Variants in ASRGL1 observed in about 807,000 individuals in gnomAD.
ASRGL1 encodes asparaginase and isoaspartyl peptidase 1.
In ASRGL1, 16 loss-of-function variants were observed where a neutral mutation model predicts 22.4. The observed-to-expected ratio is 0.71, with a 90% CI of 0.48 to 1.08. The LOEUF is 1.08. Ranked by LOEUF, ASRGL1 falls within the 50% of genes least tolerant of loss-of-function variation. The pLI is 0.00. For missense variants in ASRGL1, 412 were observed against 410.1 expected, an observed-to-expected ratio of 1.00 and a Z score of -0.04; for synonymous variants, 165 against 159.3, an observed-to-expected ratio of 1.04 and a Z score of -0.27.
At chr11:62,338,433 G>C (rs1235390624) in intron 2 of ASRGL1, 3 of 401,182 alleles carry the variant, frequency 7.5e-6, no homozygotes, top group Non-Finnish European at 1.3e-5. Flanking sequence ...TGCTTCTGGA[G>C]AGACATAAGA....
chr11:62,344,379 AT>A (rs1945957085), intron 2 of ASRGL1, among the ~76,000 whole-genome samples: 1 of 152,080 alleles, frequency 6.6e-6, no homozygotes, highest in Admixed American at 6.6e-5. Context: ...CTTTCTCAAT[AT>A]TTTATTGCAA....
At chr11:62,362,328 C>A (rs1189947889) in intron 4 of ASRGL1, among the ~76,000 whole-genome samples, 1 of 149,704 alleles carries the variant, frequency 6.7e-6, no homozygotes, top group Non-Finnish European at 1.5e-5. Context: ...AAGAAGAATT[C>A]AGCAAAACCA....
At chr11:62,386,300 T>C (rs1947198664) in intron 4 of ASRGL1, among the ~76,000 whole-genome samples, 2 of 152,216 alleles carry the variant, frequency 1.3e-5, no homozygotes, top group South Asian at 2.1e-4. Flanking sequence ...TTCTGTGCTT[T>C]CAGTTACCCA....
chr11:62,400,922 A>G, the ASRGL1 span, among the ~76,000 whole-genome samples: 1 of 152,160 alleles, frequency 6.6e-6, no homozygotes, highest in African/African-American at 2.4e-5. Flanking sequence ...TCGTCTCTGG[A>G]CCAGCTCCCA....
rs1336905670 is a variant in ASRGL1 at position 62,389,155 on chromosome 11, G to A, written c.514G>A (p.Val172Ile). Residue 172 changes from valine (V) to isoleucine (I), a missense_variant, in exon 5 of 7, where the codon GTT becomes ATT. Transcript: ENST00000415229. ...CQKNLGTVGA[V>I]ALDCKGNVAY... Reference sequence around the variant, plus strand: ...CAGAAACTTGGGAACCGTGGGTGCTGTTGCCTTGGACTGCAAAGGGAATGT... The same window carrying A: ...CAGAAACTTGGGAACCGTGGGTGCTATTGCCTTGGACTGCAAAGGGAATGT... 1 of 1,613,132 alleles carries A rather than the reference G, an allele frequency of 6.2e-7. No homozygotes were observed. The highest frequency in any genetic ancestry group is 1.1e-5 in the South Asian group (1 of 91,050).
At position 62,383,361 on chromosome 11, in the gene ASRGL1, T is replaced by C. The variant is rs896866742; in HGVS notation, c.492-5772T>C. On this transcript the variant is annotated intron_variant, in intron 4 of 6. Transcript: ENST00000415229. ...GCTCACGCATGTAATCCCAGCACTTTGGGAGGCCGAGGCGGGCGGATCACG... is the reference window on the plus strand; with the variant it reads ...GCTCACGCATGTAATCCCAGCACTTCGGGAGGCCGAGGCGGGCGGATCACG... The C allele has an allele frequency of 3.3e-5, 5 of 151,980 alleles. No homozygotes were observed. In the East Asian group the frequency reaches 9.7e-4, roughly 29 times the overall value. 9.4% of individuals were successfully genotyped at this position (151,980 alleles called of 1,614,324 possible).
At chr11:62,352,225 T>C (rs563430965) in intron 2 of ASRGL1, among the ~76,000 whole-genome samples, 3 of 152,278 alleles carry the variant, frequency 2.0e-5, no homozygotes, top group Non-Finnish European at 2.9e-5. Flanking sequence ...CCCACTCTCA[T>C]GGGCACAAGA....
intron 4 of ASRGL1, chr11:62,372,175 G>C (rs1452715385): frequency 1.3e-4 from 127 of 965,346 alleles, no homozygotes; most frequent in Admixed American, 6.8e-5. Flanking sequence ...GTGACACCAA[G>C]AGAGTAGAAG....
intron 4 of ASRGL1, chr11:62,371,474 A>G (rs930013539): frequency 1.7e-5 from 11 of 628,618 alleles, no homozygotes; most frequent in Non-Finnish European, 3.1e-5. Flanking sequence ...AGGGCTGTGC[A>G]GGCTGTGCTT....
intron 4 of ASRGL1, among the ~76,000 whole-genome samples, chr11:62,378,535 A>T (rs1946983972): frequency 6.6e-6 from 1 of 152,074 alleles, no homozygotes; most frequent in Non-Finnish European, 1.5e-5. Flanking sequence ...CGCCAGAGGG[A>T]TGGTAAAAAA....
At chr11:62,368,881 G>A (rs944498727) in intron 4 of ASRGL1, among the ~76,000 whole-genome samples, 2 of 152,188 alleles carry the variant, frequency 1.3e-5, no homozygotes, top group African/African-American at 4.8e-5. Flanking sequence ...CCCTAAGGCT[G>A]TTTTCTCCTA....
intron 4 of ASRGL1, among the ~76,000 whole-genome samples, chr11:62,375,431 TATATATATATATATATATATA>T (rs1946891792): frequency 9.1e-4 from 4 of 4,388 alleles, no homozygotes; most frequent in South Asian, 5.6e-3. Flanking sequence ...TCTTACTTTA[TATATATATATATATATATATA>T]TATATATATA....
Position 62,338,152 on chromosome 11 carries a change from C to A in ASRGL1, c.175C>A (p.Pro59Thr), listed in dbSNP as rs978104774. ...EGAVVALEDD[P>T]EFNAGCGSVL... ...AGCTGTCGTCGCCCTGGAAGACGAT[C>A]CCGAGTTCAACGCAGGTAAATGTGC... Residue 59 changes from proline to threonine, a missense_variant, in exon 2 of 7, where the codon CCC becomes ACC. Pro to Thr is a conservative substitution (Grantham distance 38). Coordinates refer to ENST00000415229, the MANE Select transcript of ASRGL1 (RefSeq NM_001083926.2). The A allele has an allele frequency of 8.2e-6, 13 of 1,578,736 alleles. No homozygotes were observed. Among genetic ancestry groups the A allele is most frequent in the African/African-American group, 1.4e-5 (1 of 73,878 alleles).
At chr11:62,389,957 G>A in intron 5 of ASRGL1, 1 of 153,568 alleles carries the variant, frequency 6.5e-6, no homozygotes, top group Non-Finnish European at 1.4e-5. Context: ...TGTTGCTCTA[G>A]TCTTTAGTAA....
intron 2 of ASRGL1, among the ~76,000 whole-genome samples, chr11:62,342,687 G>A (rs188488011): frequency 6.6e-6 from 1 of 152,110 alleles, no homozygotes. Context: ...GAACCCAGAA[G>A]GGGGAGGTTG....
chr11:62,362,592 ATATATATTATATAAAATATATAT>A (rs1217553342), intron 4 of ASRGL1, among the ~76,000 whole-genome samples: 192 of 23,042 alleles, frequency 8.3e-3, no homozygotes, highest in Non-Finnish European at 0.01. Context: ...AAAATATATA[ATATATATTATATAAAATATATAT>A]TATATATTAT....
chr11:62,348,307 A>G (rs182526907), intron 2 of ASRGL1, among the ~76,000 whole-genome samples: 90 of 152,322 alleles, frequency 5.9e-4, no homozygotes, highest in African/African-American at 2.0e-3. Flanking sequence ...GTTAGTACTC[A>G]TCATCTCTTC....
chr11:62,359,126 T>G (rs1466732892), intron 4 of ASRGL1, among the ~76,000 whole-genome samples: 1 of 152,120 alleles, frequency 6.6e-6, no homozygotes, highest in Non-Finnish European at 1.5e-5. Flanking sequence ...CTCTTCAGTT[T>G]GTGTATGGGT....
At chr11:62,365,703 A>G (rs1369236287) in intron 4 of ASRGL1, among the ~76,000 whole-genome samples, 2 of 152,110 alleles carry the variant, frequency 1.3e-5, no homozygotes, top group Non-Finnish European at 1.5e-5. Flanking sequence ...CAGAAAAATT[A>G]GCTGGGTGTG....
Sources: allele counts gnomAD v4.1 joint callset (sites outside exome capture counted in the v4.1 genomes callset), GRCh38; gene constraint gnomAD v4.1.1; transcripts MANE v1.5; gene names NCBI Gene and HGNC (gene_info 2026-07-23, HGNC 2026-07-21).